The following RFC1 variants were observed in gnomAD, a reference collection of about 807,000 sequenced individuals.
The protein encoded by RFC1 is A1 140 kDa subunit.
RFC1 carries 37 observed loss-of-function variants against 137.4 expected under a neutral mutation model. The observed-to-expected ratio is 0.27, with a 90% CI of 0.21 to 0.35. RFC1 has a LOEUF of 0.35. Ranked by LOEUF, RFC1 falls within the 10% of genes least tolerant of loss-of-function variation. The pLI, the probability that RFC1 is intolerant of heterozygous loss-of-function variation, is 1.00. For missense variants in RFC1, 1,205 were observed against 1,358.5 expected (o/e 0.89, Z 1.78); for synonymous variants, 429 against 455.7 (o/e 0.94, Z 0.75).
chr4:39,328,846 C>T (rs1023040631), intron 4 of RFC1, among the ~76,000 whole-genome samples: 6 of 152,042 alleles, frequency 3.9e-5, no homozygotes, highest in Non-Finnish European at 8.8e-5. Flanking sequence ...AAAGCTACTG[C>T]AGTTTCAGAT....
At chr4:39,343,643 T>A (rs1740710353) in intron 3 of RFC1, among the ~76,000 whole-genome samples, 1 of 152,186 alleles carries the variant, frequency 6.6e-6, no homozygotes, top group Admixed American at 6.5e-5. Flanking sequence ...ATGTCCAGTT[T>A]CCCAACAAAC....
Position 39,295,770 on chromosome 4 carries a change from A to C in RFC1, c.2809-11T>G, listed in dbSNP as rs898702696. ...ACTGGCATAAATGGCCTGAAAAAAA[A>C]TCAATTGCAGTCCAGAATTTATGTT... is the stretch of plus-strand genomic sequence containing the variant. On this transcript the variant is annotated splice_polypyrimidine_tract_variant and intron_variant, in intron 21 of 24. Transcript: ENST00000349703. 6.2e-7 allele frequency: 1 copy of C among 1,604,958 alleles called. No homozygotes were observed. The highest frequency in any genetic ancestry group is 1.3e-5 in the African/African-American group (1 of 74,464).
chr4:39,321,159 T>C, intron 8 of RFC1, 128 bp downstream of exon 8: 1 of 736,680 alleles, frequency 1.4e-6, no homozygotes, highest in South Asian at 1.9e-5. Context: ...CAATATGCTC[T>C]AATAGTCCTG....
intron 12 of RFC1, among the ~76,000 whole-genome samples, chr4:39,310,434 T>C (rs913791488): frequency 1.3e-5 from 2 of 152,226 alleles, no homozygotes; most frequent in Non-Finnish European, 2.9e-5. Context: ...ATCGAAATCA[T>C]TCCCTAGATT....
intron 1 of RFC1, among the ~76,000 whole-genome samples, chr4:39,362,919 T>C (rs1414325078): frequency 1.3e-5 from 2 of 152,230 alleles, no homozygotes; most frequent in African/African-American, 4.8e-5. Context: ...CAAAAGCATA[T>C]TATTTGGCAA....
Position 39,289,910 on chromosome 4 carries a change from C to T in RFC1, c.3298G>A (p.Glu1100Lys). 6.2e-7 allele frequency: 1 copy of T among 1,613,240 alleles called. No homozygotes were observed. The highest frequency in any genetic ancestry group is 1.1e-5 in the South Asian group (1 of 91,070). ...LDSEYNEELNEDDSQSDEKDQ... is the reference protein window; with the variant it reads ...LDSEYNEELNKDDSQSDEKDQ... The stretch of plus-strand genomic sequence containing the variant: ...TTCTCATCAGATTGAGAGTCATCTT[C>T]ATTTAATTCTTCATTGTATTCCGAA... The change falls in exon 24 of 25, where the codon GAA becomes AAA. Residue 1100 changes from glutamate to lysine, a missense_variant. By Grantham distance (56) the Glu-to-Lys change is moderately conservative. Coordinates refer to ENST00000349703, the MANE Select transcript of RFC1 (RefSeq NM_002913.5).
intron 7 of RFC1, chr4:39,322,539 T>C (rs939865387): frequency 6.6e-6 from 1 of 152,192 alleles, no homozygotes; most frequent in African/African-American, 2.4e-5. Flanking sequence ...AATACTGAAG[T>C]TATTAAACTT....
chr4:39,352,300 AC>A (rs1400615807), intron 1 of RFC1, among the ~76,000 whole-genome samples: 1 of 152,226 alleles, frequency 6.6e-6, no homozygotes, highest in Non-Finnish European at 1.5e-5. Flanking sequence ...TGATTTTTCA[AC>A]ATCCTGAAGA....
chr4:39,334,391 C>T (rs779162580), intron 4 of RFC1, among the ~76,000 whole-genome samples: 1 of 152,078 alleles, frequency 6.6e-6, no homozygotes, highest in African/African-American at 2.4e-5. Flanking sequence ...ATTTTAAAGG[C>T]TATACCAATA....
At chr4:39,336,619 C>T (rs895005583) in intron 4 of RFC1, among the ~76,000 whole-genome samples, 5 of 152,266 alleles carry the variant, frequency 3.3e-5, no homozygotes, top group African/African-American at 4.8e-5. Context: ...CTGTGCATTG[C>T]GGGATGCTTA....
At chr4:39,300,487 G>C in intron 19 of RFC1, 73 bp from the exon 20 acceptor site, 1 of 1,096,176 alleles carries the variant, frequency 9.1e-7, no homozygotes, top group South Asian at 1.4e-5. Flanking sequence ...ATGCTAACGA[G>C]GATATGGAAC....
intron 1 of RFC1, among the ~76,000 whole-genome samples, chr4:39,357,468 A>T (rs1311933649): frequency 3.3e-5 from 5 of 152,250 alleles, no homozygotes; most frequent in African/African-American, 9.6e-5. Flanking sequence ...ATTTAAGTTT[A>T]AAAAGCATCT....
intron 1 of RFC1, among the ~76,000 whole-genome samples, chr4:39,354,402 C>G (rs1741356329): frequency 6.6e-6 from 1 of 152,142 alleles, no homozygotes; most frequent in African/African-American, 2.4e-5. Flanking sequence ...TCATGAAATG[C>G]AGAAAAACAA....
intron 4 of RFC1, among the ~76,000 whole-genome samples, chr4:39,330,402 A>C (rs943610191): frequency 3.3e-5 from 5 of 152,332 alleles, no homozygotes; most frequent in Non-Finnish European, 7.3e-5. Context: ...TAAAGCAAGC[A>C]TGTAGTAGAA....
intron 1 of RFC1, chr4:39,356,000 C>CAA (rs34018537): frequency 0.45 from 37,761 of 84,152 alleles, 8,186 homozygotes; most frequent in East Asian, 0.63. Flanking sequence ...GACTTCACCT[C>CAA]AAAAAAAAAA....
chr4:39,348,478 A>G (rs946380334), intron 2 of RFC1, among the ~76,000 whole-genome samples: 25 of 139,254 alleles, frequency 1.8e-4, no homozygotes, highest in East Asian at 4.5e-4. Context: ...AGAAAAGAAA[A>G]GAAAAAGCAT....
In RFC1 at chr4:39,312,819, C is replaced by A; in HGVS notation, c.1316G>T (p.Gly439Val). 6.2e-7 allele frequency: 1 copy of A among 1,614,138 alleles called. No individual in the cohort carries two copies. The highest frequency in any genetic ancestry group is 8.5e-7 in the Non-Finnish European group (1 of 1,180,012). Residue 439 changes from glycine (G) to valine (V), a missense_variant, in exon 11 of 25, where the codon GGA becomes GTA. Physicochemically the swap from Gly to Val is moderately radical, Grantham distance 109 (BLOSUM62 -3). Transcript: ENST00000349703. ...LIERYGGKVT[G>V]NVSKKTNYLV... ...ATAATTTGTTTTCTTGCTGACATTTCCTGTTACTTTTCCCCCATAACGTTC... is the reference window on the plus strand; with the variant it reads ...ATAATTTGTTTTCTTGCTGACATTTACTGTTACTTTTCCCCCATAACGTTC...
chr4:39,298,169 A>G (rs1738131758), intron 21 of RFC1, among the ~76,000 whole-genome samples: 1 of 152,140 alleles, frequency 6.6e-6, no homozygotes, highest in Non-Finnish European at 1.5e-5. Context: ...ATTAGCTGGC[A>G]TGATGGCGCA....
chr4:39,295,693 G>A lies in RFC1; in HGVS notation c.2875C>T (p.Pro959Ser). The A allele has an allele frequency of 6.2e-7, 1 of 1,613,602 alleles. No homozygotes were observed. Among genetic ancestry groups the A allele is most frequent in the Non-Finnish European group, 8.5e-7 (1 of 1,179,742 alleles). Residue 959 changes from proline (P) to serine (S), a missense_variant, in exon 22 of 25, where the codon CCA becomes TCA. Transcript: ENST00000349703. Reference protein sequence around the residue: ...RGYMTQFPTFPSWLGKHSSTG... With the variant: ...RGYMTQFPTFSSWLGKHSSTG... ...GACGAGTGCTTCCCCAGCCAGCTTG[G>A]GAAGGTGGGAAACTGGGTCATGTAC...
Sources: allele counts gnomAD v4.1 joint callset (sites outside exome capture counted in the v4.1 genomes callset), GRCh38; gene constraint gnomAD v4.1.1; transcripts MANE v1.5; gene names NCBI Gene and HGNC (gene_info 2026-07-23, HGNC 2026-07-21).